HDAC9: variants seen among roughly 807,000 people sequenced by gnomAD.
The protein encoded by HDAC9 is MEF-2 interacting transcription repressor (MITR) protein.
Under a neutral mutation model 139.4 loss-of-function variants are expected in HDAC9, and 41 were observed. The ratio of observed to expected loss-of-function variants is 0.29; its 90% CI spans 0.23 to 0.38. HDAC9 has a LOEUF of 0.38. HDAC9 is among the 10% of genes least tolerant of loss of function. HDAC9 has a pLI of 1.00. For synonymous variants in HDAC9, 517 were observed against 476.2 expected (o/e 1.09, Z -1.12); for missense variants, 1,147 against 1,297.0 (o/e 0.88, Z 1.78).
At chr7:18,257,426 C>G (rs576044607) in intron 2 of HDAC9, among the ~76,000 whole-genome samples, 18 of 151,056 alleles carry the variant, frequency 1.2e-4, no homozygotes, top group African/African-American at 4.4e-4. Context: ...CACACACACA[C>G]ACACACACAC....
chr7:18,181,156 G>A (rs531349047), intron 2 of HDAC9, among the ~76,000 whole-genome samples: 1 of 152,270 alleles, frequency 6.6e-6, no homozygotes, highest in South Asian at 2.1e-4. Context: ...ATAAGGATGT[G>A]GGTATCTTTT....
At chr7:18,190,154 G>A (rs1392764401) in intron 2 of HDAC9, among the ~76,000 whole-genome samples, 1 of 152,096 alleles carries the variant, frequency 6.6e-6, no homozygotes. Flanking sequence ...ATGTTGGCCA[G>A]GCTGGTCTCA....
intron 22 of HDAC9, among the ~76,000 whole-genome samples, chr7:18,890,504 G>A (rs967313346): frequency 1.3e-5 from 2 of 152,100 alleles, no homozygotes; most frequent in Admixed American, 6.5e-5. Context: ...CCAAGCACAC[G>A]TAAATAGTAC....
intron 22 of HDAC9, among the ~76,000 whole-genome samples, chr7:18,935,433 T>G (rs2717356): frequency 0.31 from 46,441 of 151,960 alleles, 9,530 homozygotes; most frequent in African/African-American, 0.59. Flanking sequence ...AGGCCATTGA[T>G]AGCGACAGGA....
At chr7:18,533,819 T>G (rs1201643586) in intron 2 of HDAC9, among the ~76,000 whole-genome samples, 1 of 152,184 alleles carries the variant, frequency 6.6e-6, no homozygotes. Context: ...GACCTTCTGA[T>G]TAGAGTCTAA....
At chr7:18,263,149 G>A (rs138490365) in intron 2 of HDAC9, among the ~76,000 whole-genome samples, 5 of 152,158 alleles carry the variant, frequency 3.3e-5, no homozygotes, top group Admixed American at 1.3e-4. Flanking sequence ...GTAAAAGAAT[G>A]TAGAAAGTAA....
chr7:18,226,525 T>TA (rs760112780), intron 2 of HDAC9, among the ~76,000 whole-genome samples: 2 of 151,808 alleles, frequency 1.3e-5, no homozygotes, highest in South Asian at 2.1e-4. Context: ...GCTCCTTCCA[T>TA]AAAAAAAACT....
At chr7:18,088,911 T>G (rs746179829) in intron 1 of HDAC9, among the ~76,000 whole-genome samples, 1 of 152,230 alleles carries the variant, frequency 6.6e-6, no homozygotes, top group African/African-American at 2.4e-5. Flanking sequence ...TCTCATCCAT[T>G]TTGTTTGAAT....
intron 21 of HDAC9, 109 bp downstream of exon 21, chr7:18,836,106 C>A: frequency 4.9e-6 from 3 of 612,484 alleles, no homozygotes; most frequent in Non-Finnish European, 8.5e-6. Context: ...TAAATTATCG[C>A]TCAAAGCCAC....
At chr7:18,607,934 G>T (rs1304800979) in intron 6 of HDAC9, among the ~76,000 whole-genome samples, 1 of 152,140 alleles carries the variant, frequency 6.6e-6, no homozygotes, top group African/African-American at 2.4e-5. Context: ...CACTCCTCAT[G>T]AAATGCTCAT....
At chr7:18,597,007 A>G (rs914918652) in intron 6 of HDAC9, among the ~76,000 whole-genome samples, 1 of 152,108 alleles carries the variant, frequency 6.6e-6, no homozygotes, top group Non-Finnish European at 1.5e-5. Context: ...CCTTCCCCAG[A>G]CAGTGATAAC....
At chr7:18,562,808 G>A (rs577738351) in intron 2 of HDAC9, among the ~76,000 whole-genome samples, 1 of 152,126 alleles carries the variant, frequency 6.6e-6, no homozygotes, top group South Asian at 2.1e-4. Flanking sequence ...TTTTGGTAGG[G>A]ATTTCATGGA....
intron 23 of HDAC9, among the ~76,000 whole-genome samples, chr7:18,950,185 A>G (rs186685922): frequency 1.1e-4 from 16 of 152,106 alleles, no homozygotes; most frequent in East Asian, 3.9e-4. Context: ...CTTCCGCTCA[A>G]TTGGAAGCAA....
chr7:18,310,378 C>T (rs564472260), intron 1 of HDAC9, among the ~76,000 whole-genome samples: 1 of 152,178 alleles, frequency 6.6e-6, no homozygotes, highest in Non-Finnish European at 1.5e-5. Context: ...GCATCTCTGG[C>T]TGTGTTCACA....
chr7:18,942,269 T>TA (rs1405013975), intron 23 of HDAC9, among the ~76,000 whole-genome samples: 1 of 152,076 alleles, frequency 6.6e-6, no homozygotes, highest in Non-Finnish European at 1.5e-5. Flanking sequence ...ATCAGACTAA[T>TA]ATGAGCTAAT....
chr7:18,487,399 T>C (rs950805090), intron 1 of HDAC9, among the ~76,000 whole-genome samples: 1 of 152,086 alleles, frequency 6.6e-6, no homozygotes, highest in African/African-American at 2.4e-5. Context: ...TTGTGTCTGT[T>C]GCATGATGTT....
chr7:18,902,613 A>C (rs574887685), intron 22 of HDAC9, among the ~76,000 whole-genome samples: 14 of 152,330 alleles, frequency 9.2e-5, no homozygotes, highest in African/African-American at 3.1e-4. Flanking sequence ...CAACTGAAAC[A>C]ATTGACAAGG....
At chr7:18,369,989 G>GT (rs1487001876) in intron 1 of HDAC9, among the ~76,000 whole-genome samples, 2 of 152,022 alleles carry the variant, frequency 1.3e-5, no homozygotes, top group Non-Finnish European at 2.9e-5. Context: ...TTCAAGAAGA[G>GT]TTTTTTTAAA....
chr7:18,476,620 A>G (rs1364524030), intron 1 of HDAC9, among the ~76,000 whole-genome samples: 1 of 152,124 alleles, frequency 6.6e-6, no homozygotes, highest in African/African-American at 2.4e-5. Context: ...AGTATTTCAG[A>G]CTTCATAATG....
Sources: gnomAD v4.1 joint callset for allele counts (sites outside exome capture counted in the v4.1 genomes callset) on GRCh38, gnomAD v4.1.1 for gene constraint, MANE v1.5 for transcripts, NCBI Gene and HGNC (gene_info 2026-07-23, HGNC 2026-07-21) for gene names.